Variants in STK10 observed in about 807,000 individuals in gnomAD.
STK10 encodes the protein serine/threonine kinase 10, also known as serine/threonine-protein kinase 10.
Under a neutral mutation model 113.8 loss-of-function variants are expected in STK10, and 78 were observed. The observed-to-expected ratio is 0.69, with a 90% CI of 0.57 to 0.83. STK10 has a LOEUF of 0.83. STK10 is among the 40% of genes least tolerant of loss of function. STK10 has a pLI of 0.00. For missense variants in STK10, 1,109 were observed against 1,280.1 expected, an observed-to-expected ratio of 0.87 and a Z score of 2.04; for synonymous variants, 465 against 494.7, an observed-to-expected ratio of 0.94 and a Z score of 0.80.
At chr5:172,055,396 C>T (rs1767725191) in intron 16 of STK10, among the ~76,000 whole-genome samples, 192 bp downstream of exon 16, 1 of 152,048 alleles carries the variant, frequency 6.6e-6, no homozygotes, top group Non-Finnish European at 1.5e-5. Context: ...TGCTGTGTTG[C>T]CCAGGCTGGT....
intron 18 of STK10, among the ~76,000 whole-genome samples, chr5:172,051,842 C>T (rs1487780914): frequency 6.6e-6 from 1 of 152,082 alleles, no homozygotes; most frequent in Non-Finnish European, 1.5e-5. Context: ...ACCATGCCAG[C>T]AGCGGCTGCA....
At chr5:172,174,669 G>T (rs919942028) in intron 1 of STK10, among the ~76,000 whole-genome samples, 5 of 152,178 alleles carry the variant, frequency 3.3e-5, no homozygotes, top group African/African-American at 9.7e-5. Flanking sequence ...TGCCACCATG[G>T]TCAGGGAGCG....
intron 14 of STK10, among the ~76,000 whole-genome samples, chr5:172,059,434 CAAAAAAAAAAA>C (rs58446505): frequency 1.8e-5 from 1 of 57,004 alleles, no homozygotes; most frequent in Non-Finnish European, 3.8e-5. Flanking sequence ...CTCTCCATCT[CAAAAAAAAAAA>C]AAAAAAAAAA....
intron 12 of STK10, among the ~76,000 whole-genome samples, chr5:172,078,864 T>C (rs775619223): frequency 6.6e-6 from 1 of 151,312 alleles, no homozygotes; most frequent in African/African-American, 2.4e-5. Flanking sequence ...TGGGAAAGGG[T>C]GAGGAGATCT....
chr5:172,096,341 C>G (rs1581153712), intron 8 of STK10, 85 bp downstream of exon 8: 1 of 1,573,046 alleles, frequency 6.4e-7, no homozygotes, highest in Non-Finnish European at 8.6e-7. Context: ...AGAGTCCTGG[C>G]CTTCCCTGCC....
chr5:172,108,406 G>A (rs3103584), intron 4 of STK10: 35,982 of 152,056 alleles, frequency 0.24, 6,597 homozygotes, highest in African/African-American at 0.52. Context: ...GCTTGAGGCT[G>A]GGAGTTGGAG....
intron 1 of STK10, among the ~76,000 whole-genome samples, chr5:172,181,479 T>A (rs933560157): frequency 2.7e-5 from 4 of 145,572 alleles, no homozygotes; most frequent in African/African-American, 5.5e-5. Context: ...TTATTTAATT[T>A]ATTTTAATTT....
At chr5:172,083,297 A>G (rs1480495713) in intron 10 of STK10, among the ~76,000 whole-genome samples, 5 of 152,232 alleles carry the variant, frequency 3.3e-5, no homozygotes, top group African/African-American at 1.2e-4. Flanking sequence ...AAATCAATAA[A>G]AAGGAAGATT....
At chr5:172,158,926 T>G (rs759581619) in intron 1 of STK10, among the ~76,000 whole-genome samples, 48 of 152,090 alleles carry the variant, frequency 3.2e-4, no homozygotes, top group Non-Finnish European at 6.8e-4. Context: ...AAAGAGTTTT[T>G]GTAGAGGATG....
intron 4 of STK10, among the ~76,000 whole-genome samples, chr5:172,112,156 T>G (rs1769250539): frequency 6.6e-6 from 1 of 152,220 alleles, no homozygotes; most frequent in African/African-American, 2.4e-5. Context: ...CTCTAATACA[T>G]TAATACATGT....
intron 1 of STK10, among the ~76,000 whole-genome samples, chr5:172,176,911 C>T (rs148189453): frequency 9.9e-5 from 15 of 152,266 alleles, no homozygotes; most frequent in African/African-American, 3.6e-4. Context: ...CGGTGGCTCA[C>T]GCCTGTAATC....
chr5:172,065,340 T>A (rs1185766743), intron 12 of STK10, among the ~76,000 whole-genome samples: 1 of 142,798 alleles, frequency 7.0e-6, no homozygotes, highest in African/African-American at 2.6e-5. Context: ...TTCTCCTGCC[T>A]AAGCCTTCCA....
At chr5:172,078,980 C>T (rs1341452507) in intron 12 of STK10, among the ~76,000 whole-genome samples, 4 of 150,890 alleles carry the variant, frequency 2.7e-5, no homozygotes, top group South Asian at 4.2e-4. Context: ...CACACACACA[C>T]GGTGTGCACA....
At chr5:172,054,543 A>T (rs1467724384) in intron 17 of STK10, 26 bp downstream of exon 17, 3 of 1,597,190 alleles carry the variant, frequency 1.9e-6, no homozygotes, top group Non-Finnish European at 2.5e-6. Context: ...GCCTGGGGGC[A>T]GGGGCAGGGG....
At chr5:172,074,300 A>C (rs1040456644) in intron 12 of STK10, among the ~76,000 whole-genome samples, 2 of 152,204 alleles carry the variant, frequency 1.3e-5, no homozygotes, top group African/African-American at 2.4e-5. Flanking sequence ...GGCTTTTATA[A>C]AGCTACAATC....
intron 18 of STK10, among the ~76,000 whole-genome samples, chr5:172,047,459 A>G (rs1247676313): frequency 6.6e-6 from 1 of 152,214 alleles, no homozygotes. Flanking sequence ...GAACCAACCT[A>G]TGTCAGCAGG....
chr5:172,124,596 C>T (rs1329346153), intron 3 of STK10, among the ~76,000 whole-genome samples: 1 of 152,180 alleles, frequency 6.6e-6, no homozygotes, highest in East Asian at 1.9e-4. Context: ...TACATTTCTA[C>T]AGCCCGGGAT....
At chr5:172,131,738 A>G (rs536943896) in intron 2 of STK10, among the ~76,000 whole-genome samples, 67 of 152,286 alleles carry the variant, frequency 4.4e-4, no homozygotes, top group African/African-American at 1.6e-3. Context: ...GCAGAAATAC[A>G]TGGGGTTTAA....
In STK10 at chr5:172,137,220, C is replaced by A. The variant is rs544579641; in HGVS notation, c.322-9799G>T. 7.6e-4 allele frequency among the ~76,000 whole-genome samples: 116 copies of A among 152,226 alleles called. 1 individual carries two copies. The highest frequency in any genetic ancestry group is 2.5e-3 in the African/African-American group (104 of 41,516). On this transcript the variant is annotated intron_variant, in intron 2 of 18. Transcript: ENST00000176763. ...CTAACCTCTTGAGAATGTGGCCCAG[C>A]AGGTCTCAGCCTCATTTTACCCAGC... is the stretch of plus-strand genomic sequence containing the variant.
Sources: allele counts gnomAD v4.1 joint callset (sites outside exome capture counted in the v4.1 genomes callset), GRCh38; gene constraint gnomAD v4.1.1; transcripts MANE v1.5; gene names NCBI Gene and HGNC (gene_info 2026-07-23, HGNC 2026-07-21).